NREP: variants seen among roughly 807,000 people sequenced by gnomAD.
The protein encoded by NREP is neuronal regeneration related protein.
NREP carries 5 observed loss-of-function variants against 8.6 expected under a neutral mutation model. The ratio of observed to expected loss-of-function variants is 0.58; its 90% CI spans 0.30 to 1.22. NREP has a LOEUF of 1.22. Ranked by LOEUF, NREP falls within the 50% of genes most tolerant of loss-of-function variation. The pLI is 0.07. For synonymous variants in NREP, 27 were observed against 28.0 expected, an observed-to-expected ratio of 0.96 and a Z score of 0.11; for missense variants, 86 against 82.5, an observed-to-expected ratio of 1.04 and a Z score of -0.17.
chr5:111,851,609 G>A (rs1753311881), intron 2 of NREP, among the ~76,000 whole-genome samples: 1 of 152,156 alleles, frequency 6.6e-6, no homozygotes, highest in Non-Finnish European at 1.5e-5. Context: ...AGTGCAGAGA[G>A]TAGAAGGGTG....
chr5:111,869,985 T>C (rs1182351696), intron 2 of NREP, among the ~76,000 whole-genome samples: 1 of 152,180 alleles, frequency 6.6e-6, no homozygotes, highest in Non-Finnish European at 1.5e-5. Flanking sequence ...TCAGCATAGA[T>C]AGTGTTATAT....
intron 2 of NREP, among the ~76,000 whole-genome samples, chr5:111,742,644 C>T (rs768398691): frequency 5.9e-5 from 9 of 152,062 alleles, no homozygotes; most frequent in Non-Finnish European, 1.2e-4. Context: ...TTTTTCACCA[C>T]GACTTAAAAC....
intron 2 of NREP, among the ~76,000 whole-genome samples, chr5:111,914,539 T>G (rs1754997000): frequency 6.6e-6 from 1 of 152,098 alleles, no homozygotes; most frequent in Non-Finnish European, 1.5e-5. Flanking sequence ...ATACAGAATG[T>G]AAGGTCCCGT....
chr5:111,763,055 AG>A (rs1302035138), intron 2 of NREP, among the ~76,000 whole-genome samples: 6 of 152,216 alleles, frequency 3.9e-5, no homozygotes, highest in Non-Finnish European at 5.9e-5. Context: ...CATAAGGGAA[AG>A]GAAACCGATT....
At chr5:111,964,529 G>C (rs1469731821) in intron 2 of NREP, among the ~76,000 whole-genome samples, 2 of 151,944 alleles carry the variant, frequency 1.3e-5, no homozygotes, top group Non-Finnish European at 2.9e-5. Context: ...ACCATGCCTG[G>C]CTAAAAATTT....
At chr5:111,939,269 G>C (rs542169030) in intron 2 of NREP, among the ~76,000 whole-genome samples, 85 of 152,106 alleles carry the variant, frequency 5.6e-4, no homozygotes, top group Admixed American at 9.2e-4. Context: ...GCAAAAAGTA[G>C]GCTCAAGGGG....
intron 2 of NREP, among the ~76,000 whole-genome samples, chr5:111,966,261 T>C (rs1194838640): frequency 6.6e-6 from 1 of 152,226 alleles, no homozygotes; most frequent in African/African-American, 2.4e-5. Flanking sequence ...TTCATGCAGA[T>C]TGTGAAAGAC....
intron 2 of NREP, among the ~76,000 whole-genome samples, chr5:111,914,877 G>C (rs1224676123): frequency 6.6e-6 from 1 of 152,112 alleles, no homozygotes; most frequent in Non-Finnish European, 1.5e-5. Flanking sequence ...TTAGGAATGT[G>C]CCCAAGAGTG....
intron 2 of NREP, among the ~76,000 whole-genome samples, chr5:111,935,972 A>G (rs980438492): frequency 2.0e-5 from 3 of 152,138 alleles, no homozygotes; most frequent in African/African-American, 7.2e-5. Context: ...CTAGGAGGGA[A>G]TGCTTCCTTG....
chr5:111,909,793 C>T (rs1391539493), intron 2 of NREP, among the ~76,000 whole-genome samples: 1 of 152,088 alleles, frequency 6.6e-6, no homozygotes, highest in African/African-American at 2.4e-5. Flanking sequence ...GTTCTCTCAG[C>T]CTTTTCTATC....
At chr5:111,934,785 C>T (rs567783767) in intron 2 of NREP, among the ~76,000 whole-genome samples, 25 of 152,162 alleles carry the variant, frequency 1.6e-4, no homozygotes, top group East Asian at 1.2e-3. Context: ...AGCAGCCTGG[C>T]GGCAACAAGC....
chr5:111,855,219 G>A (rs1265955230), intron 2 of NREP, among the ~76,000 whole-genome samples: 1 of 152,118 alleles, frequency 6.6e-6, no homozygotes, highest in Non-Finnish European at 1.5e-5. Context: ...TAAAAACATA[G>A]GATCTGGAAA....
intron 2 of NREP, among the ~76,000 whole-genome samples, chr5:111,901,241 G>A (rs76295904): frequency 2.6e-5 from 4 of 152,096 alleles, no homozygotes; most frequent in South Asian, 2.1e-4. Context: ...ATTTATTCAC[G>A]AAGGATGTTG....
At position 111,735,428 on chromosome 5, in the gene NREP, A is replaced by C; in HGVS notation, c.81+2T>G. 1 of 1,596,404 alleles carries C rather than the reference A, an allele frequency of 6.3e-7. No homozygotes were observed. Reference sequence around the variant, plus strand: ...TAACAATATGGCATCTAAGGATCTTACCTTAGGAAGCCTTCCCTCCATGTC... The same window carrying C: ...TAACAATATGGCATCTAAGGATCTTCCCTTAGGAAGCCTTCCCTCCATGTC... On this transcript the variant is annotated splice_donor_variant, in intron 3 of 3. Coordinates refer to ENST00000257435, the MANE Select transcript of NREP (RefSeq NM_004772.4). LOFTEE classifies it high-confidence loss of function.
chr5:111,839,720 T>C (rs1378612327), intron 2 of NREP, among the ~76,000 whole-genome samples: 1 of 152,098 alleles, frequency 6.6e-6, no homozygotes, highest in Non-Finnish European at 1.5e-5. Context: ...GGAGCAAAAG[T>C]TGTTATAATA....
In NREP at chr5:111,913,506, G is replaced by T. The variant is rs189607717; in HGVS notation, c.135+61768C>A. Among the ~76,000 whole-genome samples the T allele has an allele frequency of 3.0e-4, 45 of 152,166 alleles. 1 individual carries two copies. The highest frequency in any genetic ancestry group is 2.0e-3 in the Admixed American group (31 of 15,250). Reference sequence around the variant, plus strand: ...GGAAGTTGAAAAGATTCAAAGGATAGACATCTTCCCAGATTAACAGGGATG... The same window carrying T: ...GGAAGTTGAAAAGATTCAAAGGATATACATCTTCCCAGATTAACAGGGATG... On this transcript the variant is annotated intron_variant, in intron 2 of 3. Transcript: ENST00000395634.
At chr5:111,891,464 A>G (rs2112533998) in intron 2 of NREP, among the ~76,000 whole-genome samples, 1 of 152,300 alleles carries the variant, frequency 6.6e-6, no homozygotes, top group African/African-American at 2.4e-5. Context: ...CCCATTACCC[A>G]GTTCCATTCC....
At chr5:111,937,515 A>G (rs1460959484) in intron 2 of NREP, among the ~76,000 whole-genome samples, 1 of 152,086 alleles carries the variant, frequency 6.6e-6, no homozygotes, top group Non-Finnish European at 1.5e-5. Context: ...ACTTGCAGCT[A>G]TCTAACTGCA....
intron 2 of NREP, among the ~76,000 whole-genome samples, chr5:111,794,081 A>C (rs951815284): frequency 6.6e-6 from 1 of 152,188 alleles, no homozygotes; most frequent in South Asian, 2.1e-4. Context: ...TTTCATTCAG[A>C]ATTCAATATA....
Sources: gnomAD v4.1 joint callset for allele counts (sites outside exome capture counted in the v4.1 genomes callset) on GRCh38, gnomAD v4.1.1 for gene constraint, MANE v1.5 for transcripts, NCBI Gene and HGNC (gene_info 2026-07-23, HGNC 2026-07-21) for gene names.